SLC37A1: variants seen among roughly 807,000 people sequenced by gnomAD.
SLC37A1 encodes the protein solute carrier family 37 member 1, also known as glucose-6-phosphate exchanger SLC37A1.
A neutral mutation model predicts 75.3 loss-of-function variants in SLC37A1; 49 were observed. That is an observed-to-expected ratio of 0.65 (90% CI 0.52 to 0.83). The LOEUF (loss-of-function observed/expected upper bound fraction) is 0.83, where lower values mean the gene tolerates loss of function less well. Among genes scored for constraint, SLC37A1 ranks in the 40% least tolerant of loss-of-function variants. The pLI is 0.00. For missense variants in SLC37A1, 566 were observed against 695.0 expected, an observed-to-expected ratio of 0.81 and a Z score of 2.09; for synonymous variants, 268 against 292.1, an observed-to-expected ratio of 0.92 and a Z score of 0.84.
At chr21:42,559,589 C>T (rs946367684) in intron 11 of SLC37A1, among the ~76,000 whole-genome samples, 4 of 152,246 alleles carry the variant, frequency 2.6e-5, no homozygotes, top group African/African-American at 9.6e-5. Flanking sequence ...TTTAAAGTGC[C>T]TTTAGGCTGG....
chr21:42,572,735 G>T lies in SLC37A1; in HGVS notation c.1424-2083G>T, dbSNP rs140598386. Among the ~76,000 whole-genome samples the T allele has an allele frequency of 2.4e-3, 352 of 146,204 alleles. 1 individual carries two copies. Among genetic ancestry groups the T allele is most frequent in the African/African-American group, 8.3e-3 (334 of 40,106 alleles). Reference sequence around the variant, plus strand: ...AGCTTAGTCTTCTGTTGGCTCTCTGGGGGGAGGTTCAACTTAGTCTTCTGT... The same window carrying T: ...AGCTTAGTCTTCTGTTGGCTCTCTGTGGGGAGGTTCAACTTAGTCTTCTGT... On this transcript the variant is annotated intron_variant, in intron 17 of 19. Coordinates refer to ENST00000352133, the MANE Select transcript of SLC37A1 (RefSeq NM_001320537.2).
At chr21:42,533,290 C>T (rs1157756450) in intron 3 of SLC37A1, among the ~76,000 whole-genome samples, 1 of 152,222 alleles carries the variant, frequency 6.6e-6, no homozygotes, top group Non-Finnish European at 1.5e-5. Flanking sequence ...CTAAGGGACA[C>T]CCCTCTGACC....
At position 42,580,855 on chromosome 21, in the gene SLC37A1, G is replaced by A. The variant is rs940096734; in HGVS notation, c.*495G>A. The A allele has an allele frequency of 9.3e-5, 16 of 171,630 alleles. No homozygotes were observed. The East Asian group carries it at 1.1e-3, about 12-fold the overall frequency. 10.6% of individuals were successfully genotyped at this position (171,630 alleles called of 1,614,324 possible). A position where few individuals can be genotyped will look rare whatever the true frequency, so the allele number is the denominator to read the frequency against. On this transcript the variant is annotated 3_prime_UTR_variant, in exon 20 of 20. Transcript: ENST00000352133. ...GCCAGCAGAGAAGCAGAGAGCCAGC[G>A]CCACACAACATCAAGAAGGCCGACA...
rs2055991203 is a variant in SLC37A1 at position 42,566,834 on chromosome 21, T to G, written c.1271-151T>G. 4.2e-6 allele frequency: 3 copies of G among 708,246 alleles called. No individual in the cohort carries two copies. The African/African-American group carries it at 5.3e-5, about 13-fold the overall frequency. 43.9% of individuals were successfully genotyped at this position (708,246 alleles called of 1,614,324 possible). ...CCTGAGTCTTAGGGAGGGTATGATTTGCTTTAGCTCCTCACTAGACAAGTT... is the reference window on the plus strand; with the variant it reads ...CCTGAGTCTTAGGGAGGGTATGATTGGCTTTAGCTCCTCACTAGACAAGTT... On this transcript the variant is annotated intron_variant, in intron 15 of 19. Transcript: ENST00000352133.
At chr21:42,554,347 A>T (rs1028471491) in intron 10 of SLC37A1, among the ~76,000 whole-genome samples, 4 of 152,208 alleles carry the variant, frequency 2.6e-5, no homozygotes, top group African/African-American at 9.7e-5. Flanking sequence ...TAACCAGTTC[A>T]TTCATTCAGC....
intron 2 of SLC37A1, among the ~76,000 whole-genome samples, chr21:42,506,340 C>A (rs559832355): frequency 5.3e-5 from 8 of 152,248 alleles, no homozygotes; most frequent in South Asian, 2.1e-4. Flanking sequence ...AATAGCAAAT[C>A]AAAATAAGCT....
intron 1 of SLC37A1, among the ~76,000 whole-genome samples, chr21:42,501,083 G>A (rs752138327): frequency 5.3e-5 from 8 of 152,214 alleles, no homozygotes; most frequent in African/African-American, 1.2e-4. Flanking sequence ...CGAATTTCAC[G>A]TTGGGTAGCA....
chr21:42,550,726 T>TTG (rs1465512003), intron 9 of SLC37A1, among the ~76,000 whole-genome samples: 42 of 152,336 alleles, frequency 2.8e-4, no homozygotes, highest in Admixed American at 5.9e-4. Flanking sequence ...AAAGGATTAT[T>TTG]TACCATGATC....
chr21:42,549,877 T>G (rs980242670), intron 9 of SLC37A1, among the ~76,000 whole-genome samples: 2 of 152,242 alleles, frequency 1.3e-5, no homozygotes, highest in African/African-American at 4.8e-5. Flanking sequence ...ATGGAGACTT[T>G]AAACATATAA....
chr21:42,530,691 C>T (rs995587287), intron 3 of SLC37A1, among the ~76,000 whole-genome samples: 1 of 148,832 alleles, frequency 6.7e-6, no homozygotes. Flanking sequence ...GTGAAACTGG[C>T]CTAACCCCAC....
intron 10 of SLC37A1, among the ~76,000 whole-genome samples, chr21:42,556,600 TG>T: frequency 6.6e-6 from 1 of 152,332 alleles, no homozygotes; most frequent in South Asian, 2.1e-4. Flanking sequence ...GCCCTAAGCG[TG>T]GAGTGCACTG....
At chr21:42,553,991 T>C in intron 9 of SLC37A1, 71 bp from the exon 10 acceptor site, 1 of 1,307,756 alleles carries the variant, frequency 7.6e-7, no homozygotes, top group East Asian at 2.5e-5. Flanking sequence ...GTATCCTTGC[T>C]ACAGTAAAGC....
At chr21:42,560,478 A>T (rs1051071687) in intron 11 of SLC37A1, 2 of 152,368 alleles carry the variant, frequency 1.3e-5, no homozygotes, top group African/African-American at 4.8e-5. Context: ...CCAGGGGCAC[A>T]GGCCCGAGGC....
At position 42,554,108 on chromosome 21, in the gene SLC37A1, A is replaced by C. The variant is rs779794022; in HGVS notation, c.815A>C (p.Lys272Thr). 1 of 1,613,910 alleles carries C rather than the reference A, an allele frequency of 6.2e-7. No individual in the cohort carries two copies. The highest frequency in any genetic ancestry group is 1.1e-5 in the South Asian group (1 of 91,056). Residue 272 changes from lysine to threonine, a missense_variant, in exon 10 of 20, where the codon AAG becomes ACG. Coordinates refer to ENST00000352133, the MANE Select transcript of SLC37A1 (RefSeq NM_001320537.2). Reference protein sequence around the residue: ...ENGTNRLRLQKQILKSEKNKP... With the variant: ...ENGTNRLRLQTQILKSEKNKP... ...GGTACAAACAGATTGAGACTCCAGA[A>C]GCAAATCTTGAAGAGCGAAAAGAAC...
At chr21:42,576,969 TTGAA>T (rs2056321907) in intron 18 of SLC37A1, among the ~76,000 whole-genome samples, 2 of 152,200 alleles carry the variant, frequency 1.3e-5, no homozygotes, top group Non-Finnish European at 2.9e-5. Flanking sequence ...TAGACTGGAT[TTGAA>T]GCAATATTTT....
At chr21:42,550,729 CCA>C (rs1402544213) in intron 9 of SLC37A1, among the ~76,000 whole-genome samples, 42 of 152,300 alleles carry the variant, frequency 2.8e-4, no homozygotes, top group Admixed American at 5.9e-4. Flanking sequence ...GGATTATTTA[CCA>C]TGATCAAGTG....
intron 17 of SLC37A1, among the ~76,000 whole-genome samples, chr21:42,571,287 C>T (rs142999626): frequency 6.6e-6 from 1 of 152,222 alleles, no homozygotes; most frequent in Non-Finnish European, 1.5e-5. Context: ...CATGACTAAT[C>T]GTAAATCACC....
Position 42,574,816 on chromosome 21 carries a change from A to C in SLC37A1, c.1424-2A>C. 1 of 1,614,010 alleles carries C rather than the reference A, an allele frequency of 6.2e-7. No individual in the cohort carries two copies. On this transcript the variant is annotated splice_acceptor_variant, in intron 17 of 19. Transcript: ENST00000352133. LOFTEE classifies it high-confidence loss of function. Reference sequence around the variant, plus strand: ...CATGTGTGTCCATTTGCCTGATTTCAGGAGCAGCCCTGGGCCCCCTGCTGG... The same window carrying C: ...CATGTGTGTCCATTTGCCTGATTTCCGGAGCAGCCCTGGGCCCCCTGCTGG...
rs1601722503 is a variant in SLC37A1, at chr21:42,547,004, C to T, written c.731-99C>T. 6 of 1,410,324 alleles carry T rather than the reference C, an allele frequency of 4.3e-6. No individual in the cohort carries two copies. Among genetic ancestry groups the T allele is most frequent in the Non-Finnish European group, 6.0e-6 (6 of 997,812 alleles). The allele number at this position is 1,410,324 out of a possible 1,614,324, so 87.4% of individuals were successfully genotyped here. A position where few individuals can be genotyped will look rare whatever the true frequency, so the allele number is the denominator to read the frequency against. Reference sequence around the variant, plus strand: ...ATCCTGCATACAGTCCAGTTTCACACCCGGTGCTCCCGTGTTGCCCTGTCC... The same window carrying T: ...ATCCTGCATACAGTCCAGTTTCACATCCGGTGCTCCCGTGTTGCCCTGTCC... On this transcript the variant is annotated intron_variant, in intron 8 of 19. Transcript: ENST00000352133. This position sits in a 1 kb window ranked among gnomAD's most constrained non-coding sequence, Gnocchi z 6.1.
Sources: allele counts gnomAD v4.1 joint callset (sites outside exome capture counted in the v4.1 genomes callset), GRCh38; gene constraint gnomAD v4.1.1; non-coding constraint Gnocchi (gnomAD v3.1); transcripts MANE v1.5; gene names NCBI Gene and HGNC (gene_info 2026-07-23, HGNC 2026-07-21).